Variants in BMERB1 observed in about 807,000 individuals in gnomAD.
The protein encoded by BMERB1 is bMERB domain-containing protein 1.
In BMERB1, 12 loss-of-function variants were observed where a neutral mutation model predicts 23.6. The observed-to-expected ratio is 0.51, with a 90% confidence interval of 0.33 to 0.82. The LOEUF (loss-of-function observed/expected upper bound fraction) is 0.82, where lower values mean the gene tolerates loss of function less well. Ranked by LOEUF, BMERB1 falls within the 40% of genes least tolerant of loss-of-function variation. The probability of loss-of-function intolerance (pLI) is 0.03; values close to 1 mark genes in which losing one functional copy is unlikely to be tolerated. For missense variants in BMERB1, 247 were observed against 255.4 expected (o/e 0.97, Z 0.22); for synonymous variants, 122 against 96.6 (o/e 1.26, Z -1.54).
At chr16:15,443,861 G>C (rs2050962661) in intron 1 of BMERB1, among the ~76,000 whole-genome samples, 1 of 152,046 alleles carries the variant, frequency 6.6e-6, no homozygotes, top group Non-Finnish European at 1.5e-5. Flanking sequence ...AGAGGTTGCA[G>C]AGATTGCACC....
rs115122027 is a variant in BMERB1, at chr16:15,446,896, C to G, written c.106+12137C>G. On this transcript the variant is annotated intron_variant, in intron 1 of 5. Transcript: ENST00000300006. ...GTTCACAAAAATGGAGGAGGGAGAGCCTTTCTGTTTTGAAGACTTGTAGCT... is the reference window on the plus strand; with the variant it reads ...GTTCACAAAAATGGAGGAGGGAGAGGCTTTCTGTTTTGAAGACTTGTAGCT... Among the ~76,000 whole-genome samples, 382 of 152,190 alleles carry G rather than the reference C, an allele frequency of 2.5e-3. 2 individuals are homozygous for G. The highest frequency in any genetic ancestry group is 8.4e-3 in the African/African-American group (349 of 41,530).
At chr16:15,470,818 C>A (rs1211200351) in intron 1 of BMERB1, among the ~76,000 whole-genome samples, 1 of 144,814 alleles carries the variant, frequency 6.9e-6, no homozygotes, top group Non-Finnish European at 1.5e-5. Context: ...GCCACCGCAC[C>A]TGGCCTCTTT....
intron 1 of BMERB1, among the ~76,000 whole-genome samples, chr16:15,456,460 A>C (rs536542958): frequency 6.6e-6 from 1 of 151,918 alleles, no homozygotes; most frequent in South Asian, 2.1e-4. Flanking sequence ...CCTCAGTCAC[A>C]GGAGTAGCTG....
intron 2 of BMERB1, among the ~76,000 whole-genome samples, chr16:15,559,984 T>C (rs1027284076): frequency 3.9e-5 from 6 of 152,050 alleles, no homozygotes; most frequent in African/African-American, 1.4e-4. Flanking sequence ...GGTTTACAAA[T>C]TTGTGTTGGG....
rs192020797 is a variant in BMERB1, at chr16:15,484,057, G to T, written c.107-31248G>T. Among the ~76,000 whole-genome samples the T allele has an allele frequency of 1.1e-4, 16 of 152,314 alleles. No individual in the cohort carries two copies. In the East Asian group the frequency reaches 3.1e-3, roughly 29 times the overall value. On this transcript the variant is annotated intron_variant, in intron 1 of 5. Coordinates refer to ENST00000300006, the MANE Select transcript of BMERB1 (RefSeq NM_033201.3). ...CATCACATGTCAAGAGAGAGGAAGAGAAAAGAGGAAGATGCCAGCTTCTTT... is the reference window on the plus strand; with the variant it reads ...CATCACATGTCAAGAGAGAGGAAGATAAAAGAGGAAGATGCCAGCTTCTTT...
intron 2 of BMERB1, among the ~76,000 whole-genome samples, chr16:15,522,508 C>T (rs1340967049): frequency 6.6e-6 from 1 of 152,110 alleles, no homozygotes; most frequent in African/African-American, 2.4e-5. Context: ...TCTATGCTGG[C>T]TAGTTTTCTA....
intron 1 of BMERB1, among the ~76,000 whole-genome samples, chr16:15,487,973 G>A (rs993316456): frequency 6.6e-6 from 1 of 152,094 alleles, no homozygotes; most frequent in Non-Finnish European, 1.5e-5. Flanking sequence ...CTGTTTTATC[G>A]GTCAGGTCTT....
chr16:15,460,367 G>A (rs2051124079), intron 1 of BMERB1, among the ~76,000 whole-genome samples: 1 of 152,134 alleles, frequency 6.6e-6, no homozygotes, highest in Non-Finnish European at 1.5e-5. Context: ...GGAAATTCAT[G>A]GGAGAGAGTA....
chr16:15,495,904 C>G (rs1273140608), intron 1 of BMERB1, among the ~76,000 whole-genome samples: 1 of 151,760 alleles, frequency 6.6e-6, no homozygotes, highest in Non-Finnish European at 1.5e-5. Context: ...AACCCTAGTT[C>G]CAGCTGATGT....
intron 2 of BMERB1, among the ~76,000 whole-genome samples, chr16:15,547,742 G>T (rs2029963986): frequency 6.6e-6 from 1 of 152,182 alleles, no homozygotes; most frequent in Non-Finnish European, 1.5e-5. Flanking sequence ...GCCACACAAT[G>T]AAGGAGATGT....
chr16:15,499,485 C>T (rs574642025), intron 1 of BMERB1, among the ~76,000 whole-genome samples: 9 of 152,208 alleles, frequency 5.9e-5, no homozygotes, highest in African/African-American at 1.9e-4. Context: ...GTACTTGGAC[C>T]TCTTAGATCT....
chr16:15,490,742 G>T (rs1368962641), intron 1 of BMERB1, among the ~76,000 whole-genome samples: 1 of 152,256 alleles, frequency 6.6e-6, no homozygotes, highest in African/African-American at 2.4e-5. Flanking sequence ...CCTCTGCAAA[G>T]ATCTGTGATG....
chr16:15,559,253 A>G (rs889675094), intron 2 of BMERB1, among the ~76,000 whole-genome samples: 6 of 152,192 alleles, frequency 3.9e-5, no homozygotes. Context: ...GAGCCTGGAA[A>G]AGTATGTGTC....
At chr16:15,502,407 C>T in intron 1 of BMERB1, 1 of 1,511,076 alleles carries the variant, frequency 6.6e-7, no homozygotes, top group Non-Finnish European at 9.0e-7. Context: ...CCAGTGGCAT[C>T]CTCTCCACGA....
At chr16:15,507,138 C>A (rs170168) in intron 1 of BMERB1, among the ~76,000 whole-genome samples, 5 of 152,008 alleles carry the variant, frequency 3.3e-5, no homozygotes, top group African/African-American at 1.2e-4. Flanking sequence ...TACCATGACC[C>A]CTGATTGGAA....
intron 1 of BMERB1, among the ~76,000 whole-genome samples, chr16:15,494,389 T>A (rs957399631): frequency 6.6e-6 from 1 of 152,078 alleles, no homozygotes; most frequent in Non-Finnish European, 1.5e-5. Context: ...GTTTGGTGAT[T>A]CATTGAAGGT....
intron 1 of BMERB1, among the ~76,000 whole-genome samples, chr16:15,494,470 G>A (rs1258352718): frequency 2.0e-5 from 3 of 152,084 alleles, no homozygotes; most frequent in South Asian, 2.1e-4. Flanking sequence ...ATAATTTGCC[G>A]GAACTCTTGT....
intron 2 of BMERB1, among the ~76,000 whole-genome samples, chr16:15,538,455 G>C (rs74991288): frequency 7.1e-6 from 1 of 140,428 alleles, no homozygotes; most frequent in South Asian, 2.3e-4. Context: ...CTGTCTCAAA[G>C]AAAAAAAAAA....
intron 2 of BMERB1, among the ~76,000 whole-genome samples, chr16:15,557,556 T>C (rs868665871): frequency 6.6e-6 from 1 of 152,176 alleles, no homozygotes; most frequent in Non-Finnish European, 1.5e-5. Context: ...TCCACACATA[T>C]GTATCTGTGA....
Sources: gnomAD v4.1 joint callset for allele counts (sites outside exome capture counted in the v4.1 genomes callset) on GRCh38, gnomAD v4.1.1 for gene constraint, MANE v1.5 for transcripts, NCBI Gene and HGNC (gene_info 2026-07-23, HGNC 2026-07-21) for gene names.